Variants in NPAS2 observed in about 807,000 individuals in gnomAD.
NPAS2 encodes the protein neuronal PAS domain protein 2.
Under a neutral mutation model 107.5 loss-of-function variants are expected in NPAS2, and 23 were observed. The observed-to-expected ratio is 0.21, with a 90% CI of 0.15 to 0.30. The LOEUF (loss-of-function observed/expected upper bound fraction) is 0.30. NPAS2 is among the 10% of genes least tolerant of loss of function. The pLI is 1.00. For synonymous variants in NPAS2, 403 were observed against 417.5 expected, an observed-to-expected ratio of 0.97 and a Z score of 0.42; for missense variants, 756 against 1,043.3, an observed-to-expected ratio of 0.72 and a Z score of 3.79.
At chr2:100,943,188 T>G (rs751531067) in intron 5 of NPAS2, among the ~76,000 whole-genome samples, 4 of 152,202 alleles carry the variant, frequency 2.6e-5, no homozygotes, top group Non-Finnish European at 5.9e-5. Context: ...GACGTCGCAG[T>G]GCTGTGGCAT....
At chr2:100,989,404 C>CTTGAAAA (rs1448461525) in intron 17 of NPAS2, 1 of 152,122 alleles carries the variant, frequency 6.6e-6, no homozygotes. Context: ...AAGGGTTTTG[C>CTTGAAAA]TTGAAAATAC....
chr2:100,986,208 G>A (rs1173178844), intron 16 of NPAS2: 2 of 152,218 alleles, frequency 1.3e-5, no homozygotes, highest in African/African-American at 2.4e-5. Flanking sequence ...CATGAGAGGA[G>A]TTTGGGGAGG....
At chr2:100,963,987 T>G in intron 7 of NPAS2, 71 bp from the exon 8 acceptor site, 1 of 915,304 alleles carries the variant, frequency 1.1e-6, no homozygotes, top group Non-Finnish European at 1.8e-6. Context: ...TACAGTTAAG[T>G]GCCAACTAGG....
intron 1 of NPAS2, among the ~76,000 whole-genome samples, chr2:100,841,008 C>T (rs1677362175): frequency 1.3e-5 from 2 of 152,188 alleles, no homozygotes; most frequent in African/African-American, 2.4e-5. Context: ...CTCCATTCCT[C>T]CTCTGTACAG....
chr2:100,955,406 C>T (rs930758233), intron 7 of NPAS2, among the ~76,000 whole-genome samples: 1 of 152,128 alleles, frequency 6.6e-6, no homozygotes, highest in African/African-American at 2.4e-5. Flanking sequence ...ATAGGTTGAC[C>T]TAAAGTGAGG....
intron 19 of NPAS2, among the ~76,000 whole-genome samples, chr2:100,992,265 A>C (rs545376110): frequency 6.6e-6 from 1 of 152,324 alleles, no homozygotes; most frequent in South Asian, 2.1e-4. Flanking sequence ...AAATACAAAA[A>C]TTAGCCGGGT....
intron 1 of NPAS2, among the ~76,000 whole-genome samples, chr2:100,831,882 T>A (rs1246925793): frequency 2.6e-5 from 4 of 152,148 alleles, no homozygotes; most frequent in Non-Finnish European, 5.9e-5. Flanking sequence ...TTACATCTCC[T>A]TCCTGGCTTT....
chr2:100,890,278 C>G (rs79361495), intron 1 of NPAS2, among the ~76,000 whole-genome samples: 3,938 of 152,282 alleles, frequency 0.026, 85 homozygotes, highest in Non-Finnish European at 0.039. Context: ...AGAGGTAGTG[C>G]GAGCTCTCAG....
At chr2:100,933,880 G>A (rs1684144215) in intron 4 of NPAS2, among the ~76,000 whole-genome samples, 1 of 152,174 alleles carries the variant, frequency 6.6e-6, no homozygotes, top group South Asian at 2.1e-4. Context: ...TGTGACCAGT[G>A]GTTCCTGGCA....
At chr2:100,853,915 C>T (rs1678381884) in intron 1 of NPAS2, among the ~76,000 whole-genome samples, 1 of 149,602 alleles carries the variant, frequency 6.7e-6, no homozygotes, top group African/African-American at 2.5e-5. Context: ...CACGGTGGCT[C>T]ACTTCTGTAA....
At chr2:100,869,260 CAT>C (rs1276982422) in intron 1 of NPAS2, among the ~76,000 whole-genome samples, 1 of 152,190 alleles carries the variant, frequency 6.6e-6, no homozygotes, top group African/African-American at 2.4e-5. Flanking sequence ...TTATAACTGA[CAT>C]ATGATCCTCA....
rs145443881 is a variant in NPAS2 at position 100,905,251 on chromosome 2, T to G, written c.32+465T>G. ...CATCACCCAGCACTGTGCTAAGCAC[T>G]TTTGTATACATAGATTAGCTCAGTT... On this transcript the variant is annotated intron_variant, in intron 2 of 20. Coordinates refer to ENST00000335681, the MANE Select transcript of NPAS2 (RefSeq NM_002518.4). Among the ~76,000 whole-genome samples, 8 of 152,204 alleles carry G rather than the reference T, an allele frequency of 5.3e-5. No homozygotes were observed. In the East Asian group the frequency reaches 1.5e-3, roughly 29 times the overall value.
intron 1 of NPAS2, among the ~76,000 whole-genome samples, chr2:100,881,745 C>G (rs976528353): frequency 3.9e-5 from 6 of 152,130 alleles, no homozygotes; most frequent in African/African-American, 1.2e-4. Flanking sequence ...GGTGCTTTTC[C>G]TCATTTTATC....
At chr2:100,961,014 A>G (rs1408386515) in intron 7 of NPAS2, among the ~76,000 whole-genome samples, 1 of 152,202 alleles carries the variant, frequency 6.6e-6, no homozygotes, top group Non-Finnish European at 1.5e-5. Context: ...TGTAGCAAGA[A>G]TGAGTTGCTT....
At chr2:100,860,430 T>C (rs1118509) in intron 1 of NPAS2, among the ~76,000 whole-genome samples, 84,538 of 152,092 alleles carry the variant, frequency 0.56, 26,042 homozygotes, top group Non-Finnish European at 0.71. Flanking sequence ...TATTTTTCCT[T>C]TTAATTATTA....
At chr2:100,978,787 G>C (rs1677207893) in intron 15 of NPAS2, among the ~76,000 whole-genome samples, 1 of 152,224 alleles carries the variant, frequency 6.6e-6, no homozygotes, top group Non-Finnish European at 1.5e-5. Flanking sequence ...AGGGAAGTCT[G>C]ACGTGGCTTC....
At chr2:100,934,066 A>C (rs1397301588) in intron 4 of NPAS2, 1 of 152,266 alleles carries the variant, frequency 6.6e-6, no homozygotes, top group Non-Finnish European at 1.5e-5. Flanking sequence ...AAACGCATTA[A>C]TGAACATTTG....
intron 4 of NPAS2, among the ~76,000 whole-genome samples, chr2:100,935,911 G>A (rs1684269491): frequency 6.6e-6 from 1 of 152,156 alleles, no homozygotes; most frequent in African/African-American, 2.4e-5. Flanking sequence ...TTTTGGACCT[G>A]GTAGTTCTTC....
intron 15 of NPAS2, among the ~76,000 whole-genome samples, chr2:100,980,210 C>T (rs1677349153): frequency 6.6e-6 from 1 of 152,130 alleles, no homozygotes; most frequent in East Asian, 1.9e-4. Flanking sequence ...CCCAGCCCAT[C>T]GCCACTCCCT....
Sources: gnomAD v4.1 joint callset for allele counts (sites outside exome capture counted in the v4.1 genomes callset) on GRCh38, gnomAD v4.1.1 for gene constraint, MANE v1.5 for transcripts, NCBI Gene and HGNC (gene_info 2026-07-23, HGNC 2026-07-21) for gene names.